The following UGT2B7 variants were observed in gnomAD, a reference collection of about 807,000 sequenced individuals.
UGT2B7 encodes the protein UDP glucuronosyltransferase family 2 member B7.
UGT2B7 carries 51 observed loss-of-function variants against 51.9 expected under a neutral mutation model. The observed-to-expected ratio is 0.98, with a 90% CI of 0.78 to 1.24. The LOEUF is 1.24. Among genes scored for constraint, UGT2B7 ranks in the 50% most tolerant of loss-of-function variants. The pLI, the probability that UGT2B7 is intolerant of heterozygous loss-of-function variation, is 0.00. For missense variants in UGT2B7, 727 were observed against 628.4 expected, an observed-to-expected ratio of 1.16 and a Z score of -1.68; for synonymous variants, 225 against 211.6, an observed-to-expected ratio of 1.06 and a Z score of -0.55.
intron 1 of UGT2B7, among the ~76,000 whole-genome samples, chr4:69,097,698 A>G (rs1446046341): frequency 6.6e-6 from 1 of 152,064 alleles, no homozygotes; most frequent in Non-Finnish European, 1.5e-5. Context: ...TTCCCATATT[A>G]CCAGAAGGTT....
intron 1 of UGT2B7, among the ~76,000 whole-genome samples, chr4:69,066,985 C>T (rs1436568575): frequency 6.6e-6 from 1 of 152,082 alleles, no homozygotes; most frequent in Non-Finnish European, 1.5e-5. Context: ...ATCACCACCC[C>T]ACTCCCTGCT....
chr4:69,052,492 TC>T (rs142346685), intron 1 of UGT2B7, among the ~76,000 whole-genome samples: 4,849 of 140,766 alleles, frequency 0.034, 258 homozygotes, highest in African/African-American at 0.12. Flanking sequence ...TATGGTAAAT[TC>T]TAATCTTGTG....
chr4:69,087,397 C>G (rs1017222782), intron 1 of UGT2B7, among the ~76,000 whole-genome samples: 1 of 151,894 alleles, frequency 6.6e-6, no homozygotes, highest in Non-Finnish European at 1.5e-5. Flanking sequence ...ATTTCCATCT[C>G]TTAATTGTAG....
intron 1 of UGT2B7, among the ~76,000 whole-genome samples, chr4:69,059,074 G>C (rs973314760): frequency 6.6e-6 from 1 of 152,236 alleles, no homozygotes; most frequent in African/African-American, 2.4e-5. Flanking sequence ...GCACTGATCT[G>C]ATCAGACTGG....
chr4:69,108,594 T>A (rs545469768), intron 5 of UGT2B7, among the ~76,000 whole-genome samples: 1 of 152,170 alleles, frequency 6.6e-6, no homozygotes, highest in South Asian at 2.1e-4. Flanking sequence ...TTCTTAAAAA[T>A]TTGACATAAT....
chr4:69,102,695 A>T, intron 2 of UGT2B7, 112 bp from the exon 3 acceptor site: 1 of 1,493,282 alleles, frequency 6.7e-7, no homozygotes, highest in South Asian at 1.3e-5. Flanking sequence ...TATTTACTCC[A>T]ATAATTCCTC....
intron 1 of UGT2B7, among the ~76,000 whole-genome samples, chr4:69,086,084 T>C (rs1437139837): frequency 6.6e-6 from 1 of 151,794 alleles, no homozygotes. Flanking sequence ...TGAGGTACTA[T>C]AGGTTGTTTA....
chr4:69,063,175 C>T (rs898714354), intron 1 of UGT2B7, among the ~76,000 whole-genome samples: 3 of 150,814 alleles, frequency 2.0e-5, no homozygotes, highest in African/African-American at 7.3e-5. Flanking sequence ...AAAAATTAGC[C>T]GGGCGTAGTG....
chr4:69,084,261 T>C (rs1718900459), intron 1 of UGT2B7, among the ~76,000 whole-genome samples: 1 of 151,822 alleles, frequency 6.6e-6, no homozygotes, highest in Admixed American at 6.6e-5. Flanking sequence ...TGATGTGTTG[T>C]TGGATTTGGT....
In UGT2B7 at chr4:69,096,527, G is replaced by A. The variant is rs1719231396; in HGVS notation, c.7G>A (p.Val3Met). 15 of 1,613,902 alleles carry A rather than the reference G, an allele frequency of 9.3e-6. No individual in the cohort carries two copies. Among genetic ancestry groups the A allele is most frequent in the Non-Finnish European group, 1.1e-5 (13 of 1,179,818 alleles). Residue 3 changes from valine (V) to methionine (M), a missense_variant, in exon 1 of 6, where the codon GTG becomes ATG. By Grantham distance (21) the Val-to-Met change is conservative. Transcript: ENST00000305231. The stretch of plus-strand genomic sequence containing the variant: ...AGCATTGCATTGCACCAGGATGTCT[G>A]TGAAATGGACTTCAGTAATTTTGCT... MSVKWTSVILLIQ... is the reference protein window; with the variant it reads MSMKWTSVILLIQ...
chr4:69,052,872 G>A (rs1282116971), intron 1 of UGT2B7, among the ~76,000 whole-genome samples: 4 of 151,900 alleles, frequency 2.6e-5, no homozygotes, highest in Non-Finnish European at 5.9e-5. Flanking sequence ...ATTATAAGGA[G>A]GCATAAAAAT....
Position 69,097,103 on chromosome 4 carries a change from C to T in UGT2B7, c.583C>T (p.Pro195Ser). The T allele has an allele frequency of 1.2e-6, 2 of 1,613,690 alleles. No homozygotes were observed. Among genetic ancestry groups the T allele is most frequent in the Non-Finnish European group, 8.5e-7 (1 of 1,179,706 alleles). ...GGFIFPPSYV[P>S]VVMSELTDQM... is the part of the protein sequence containing the mutation. ...ATTTATTTTCCCTCCTTCCTACGTA[C>T]CTGTTGTTATGTCAGAATTAACTGA... The change falls in exon 1 of 6, where the codon CCT becomes TCT. Residue 195 changes from proline (P) to serine (S), a missense_variant. Transcript: ENST00000305231.
chr4:69,100,499 C>T (rs761927500), intron 2 of UGT2B7, among the ~76,000 whole-genome samples: 1 of 151,926 alleles, frequency 6.6e-6, no homozygotes, highest in South Asian at 2.1e-4. Context: ...AACTCAATAT[C>T]TATGTTGAAT....
intron 4 of UGT2B7, 61 bp downstream of exon 4, chr4:69,107,323 T>A: frequency 6.7e-7 from 1 of 1,497,022 alleles, no homozygotes; most frequent in Non-Finnish European, 9.1e-7. Context: ...GTGTTAATAG[T>A]TCATCATGAA....
At chr4:69,109,228 A>C (rs1276935642) in intron 5 of UGT2B7, among the ~76,000 whole-genome samples, 2 of 152,184 alleles carry the variant, frequency 1.3e-5, no homozygotes, top group East Asian at 3.9e-4. Flanking sequence ...TTTTTGCATA[A>C]ACATGTTTTC....
chr4:69,098,462 T>C lies in UGT2B7; in HGVS notation c.722-78T>C, dbSNP rs7439326. The stretch of plus-strand genomic sequence containing the variant: ...ATATTTGCCTACATTTTTGCCTACA[T>C]TATTCTAACCCCTTTCAGAAATTTA... On this transcript the variant is annotated intron_variant, in intron 1 of 5. Coordinates refer to ENST00000305231, the MANE Select transcript of UGT2B7 (RefSeq NM_001074.4). The C allele has an allele frequency of 0.5, 755,308 of 1,524,446 alleles. 193,218 individuals are homozygous for C. Among genetic ancestry groups the C allele is most frequent in the African/African-American group, 0.71 (50,275 of 70,592 alleles). 94.4% of individuals were successfully genotyped at this position (1,524,446 alleles called of 1,614,324 possible).
chr4:69,109,668 G>T (rs1436469286), intron 5 of UGT2B7, among the ~76,000 whole-genome samples: 1 of 151,964 alleles, frequency 6.6e-6, no homozygotes, highest in Non-Finnish European at 1.5e-5. Flanking sequence ...CCCACTCTGG[G>T]TGCACTAAAT....
chr4:69,111,086 G>C (rs1324818417), intron 5 of UGT2B7, among the ~76,000 whole-genome samples: 1 of 152,106 alleles, frequency 6.6e-6, no homozygotes, highest in Non-Finnish European at 1.5e-5. Context: ...TGTAGCAAGA[G>C]AGAGTACTCC....
At chr4:69,094,687 A>C (rs1051366259), upstream of UGT2B7, among the ~76,000 whole-genome samples, 1 of 152,180 alleles carries the variant, frequency 6.6e-6, no homozygotes, top group African/African-American at 2.4e-5. Context: ...GGCTGTGGCA[A>C]TTTCTTAAAA....
Sources: allele counts gnomAD v4.1 joint callset (sites outside exome capture counted in the v4.1 genomes callset), GRCh38; gene constraint gnomAD v4.1.1; transcripts MANE v1.5; gene names NCBI Gene and HGNC (gene_info 2026-07-23, HGNC 2026-07-21).